Variants in JAK3 observed in about 807,000 individuals in gnomAD.
JAK3 encodes tyrosine-protein kinase JAK3.
A neutral mutation model predicts 120.8 loss-of-function variants in JAK3; 88 were observed. That is an observed-to-expected ratio of 0.73 (90% CI 0.61 to 0.87). JAK3 has a LOEUF of 0.87. Ranked by LOEUF, JAK3 falls within the 40% of genes least tolerant of loss-of-function variation. The pLI, the probability that JAK3 is intolerant of heterozygous loss-of-function variation, is 0.00. For synonymous variants in JAK3, 592 were observed against 628.6 expected, an observed-to-expected ratio of 0.94 and a Z score of 0.87; for missense variants, 1,254 against 1,501.4, an observed-to-expected ratio of 0.84 and a Z score of 2.72.
At chr19:17,836,863 C>T (rs1025989287) in intron 13 of JAK3, 6 of 563,528 alleles carry the variant, frequency 1.1e-5, no homozygotes, top group East Asian at 3.3e-5. Flanking sequence ...AGAAAGGTTA[C>T]GTGACCTGTA....
intron 9 of JAK3, 113 bp from the exon 10 acceptor site, chr19:17,839,776 T>A (rs2094233602): frequency 2.0e-6 from 2 of 978,332 alleles, no homozygotes; most frequent in African/African-American, 3.4e-5. Flanking sequence ...AGTCTGGCTC[T>A]GTCACCCAGG....
chr19:17,832,784 C>T lies in JAK3; in HGVS notation c.2490+6G>A. ...CTCCAACCCACCCTGGCCCTGCCCA[C>T]CTTACCTTGCCCAGCTGTGAGATGT... On this transcript the variant is annotated splice_donor_region_variant and intron_variant, in intron 18 of 23. Transcript: ENST00000458235. This position sits in a 1 kb window ranked among gnomAD's most constrained non-coding sequence, Gnocchi z 4.7. 1.2e-6 allele frequency: 2 copies of T among 1,614,274 alleles called. No individual in the cohort carries two copies. The highest frequency in any genetic ancestry group is 1.7e-6 in the Non-Finnish European group (2 of 1,180,054).
At chr19:17,844,133 G>A (rs2094246372) in intron 2 of JAK3, 101 bp downstream of exon 2, 2 of 1,340,818 alleles carry the variant, frequency 1.5e-6, no homozygotes, top group Non-Finnish European at 2.1e-6. Context: ...CAAAGCCCCA[G>A]CTCCGATGCT....
chr19:17,845,075 C>G (rs1321587632), intron 1 of JAK3, among the ~76,000 whole-genome samples: 1 of 152,174 alleles, frequency 6.6e-6, no homozygotes, highest in East Asian at 1.9e-4. Flanking sequence ...AAACAAAAAC[C>G]TAAGTTCCAG....
At chr19:17,837,306 C>G in intron 12 of JAK3, 93 bp from the exon 13 acceptor site, 1 of 951,794 alleles carries the variant, frequency 1.1e-6, no homozygotes, top group Non-Finnish European at 1.7e-6. Context: ...TAGGGGAACA[C>G]CTGGCCACAG....
At chr19:17,847,833 GA>G (rs1384170635) in intron 1 of JAK3, 112 bp downstream of exon 1, 2 of 376,404 alleles carry the variant, frequency 5.3e-6, no homozygotes, top group Non-Finnish European at 7.5e-6. Flanking sequence ...CCGAGGCCTG[GA>G]AGGCGAGCTA....
intron 12 of JAK3, 126 bp downstream of exon 12, chr19:17,837,806 A>C: frequency 7.2e-7 from 1 of 1,385,452 alleles, no homozygotes. Flanking sequence ...TCAGCCTCCC[A>C]AAGTGCTGGG....
Position 17,841,248 on chromosome 19 carries a change from C to A in JAK3, c.1142+141G>T. 1.3e-6 allele frequency: 1 copy of A among 790,450 alleles called. No homozygotes were observed. 49.0% of individuals were successfully genotyped at this position (790,450 alleles called of 1,614,324 possible). A position where few individuals can be genotyped will look rare whatever the true frequency, so the allele number is the denominator to read the frequency against. On this transcript the variant is annotated intron_variant, in intron 8 of 23. Coordinates refer to ENST00000458235, the MANE Select transcript of JAK3 (RefSeq NM_000215.4). This position sits in a 1 kb window ranked among gnomAD's most constrained non-coding sequence, Gnocchi z 4.1. ...AAGCAGAAGGAATACTTCAGCTTCA[C>A]TGAGCGCTGACTGTGCGGCAGGTGT...
chr19:17,825,395 G>A lies in JAK3; in HGVS notation c.*1348C>T. 4.5e-6 allele frequency: 1 copy of A among 221,894 alleles called. No homozygotes were observed. The allele number at this position is 221,894 out of a possible 1,614,324, so 13.7% of individuals were successfully genotyped here. A position where few individuals can be genotyped will look rare whatever the true frequency, so the allele number is the denominator to read the frequency against. ...CCCTTGTAGGGTGAGGACAGAAAGG[G>A]TCCCATTGGACAGGTGGGAAAACTG... On this transcript the variant is annotated 3_prime_UTR_variant, in exon 24 of 24. Coordinates refer to ENST00000458235, the MANE Select transcript of JAK3 (RefSeq NM_000215.4).
At chr19:17,840,882 A>G (rs1204916642) in intron 8 of JAK3, among the ~76,000 whole-genome samples, 2 of 152,008 alleles carry the variant, frequency 1.3e-5, no homozygotes, top group Admixed American at 6.6e-5. Flanking sequence ...CTGGAGTGCA[A>G]TCTCAGCTCA....
At chr19:17,833,595 T>A (rs1262880684) in intron 17 of JAK3, among the ~76,000 whole-genome samples, 2 of 146,876 alleles carry the variant, frequency 1.4e-5, no homozygotes, top group Non-Finnish European at 3.0e-5. Flanking sequence ...CTCATGCCTG[T>A]AATCCCAGCA....
intron 9 of JAK3, 22 bp from the exon 10 acceptor site, chr19:17,839,685 G>GAGT (rs768621164): frequency 3.3e-5 from 52 of 1,580,446 alleles, no homozygotes; most frequent in Admixed American, 3.1e-4. Context: ...AGTGGCCCCT[G>GAGT]AGTGGGACTG....
chr19:17,847,905 C>A (rs2094256157), intron 1 of JAK3, 41 bp downstream of exon 1: 1 of 940,924 alleles, frequency 1.1e-6, no homozygotes, highest in Non-Finnish European at 1.3e-6. Flanking sequence ...CCATCCTCCC[C>A]CAGTGTCTGG....
At position 17,833,542 on chromosome 19, in the gene JAK3, GAAAAAAAAA is replaced by G. The variant is rs58330868; in HGVS notation, c.2351-622_2351-614del. On this transcript the variant is annotated intron_variant, in intron 17 of 23. Coordinates refer to ENST00000458235, the MANE Select transcript of JAK3 (RefSeq NM_000215.4). Reference sequence around the variant, plus strand: ...GGGAACATAGCAAAACCCCATCACAGAAAAAAAAAAAAAAAAAAAAAAAATCCAGCCTGG... The same window carrying G: ...GGGAACATAGCAAAACCCCATCACAGAAAAAAAAAAAAAAATCCAGCCTGG... Among the ~76,000 whole-genome samples the G allele has an allele frequency of 1.9e-4, 14 of 74,656 alleles. 1 individual carries two copies. Among genetic ancestry groups the G allele is most frequent in the South Asian group, 9.0e-4 (2 of 2,214 alleles). 49.0% of individuals were successfully genotyped at this position (74,656 alleles called of 152,430 possible).
Position 17,831,261 on chromosome 19 carries a change from A to G in JAK3, c.2945T>C (p.Val982Ala), listed in dbSNP as rs1241398236. 2 of 1,612,424 alleles carry G rather than the reference A, an allele frequency of 1.2e-6. No homozygotes were observed. Among genetic ancestry groups the G allele is most frequent in the South Asian group, 1.1e-5 (1 of 91,084 alleles). Residue 982 changes from valine (V) to alanine (A), a missense_variant, in exon 21 of 24, where the codon GTG (valine) becomes GCG (alanine). By Grantham distance (64) the Val-to-Ala change is moderately conservative (BLOSUM62 0). Coordinates refer to ENST00000458235, the MANE Select transcript of JAK3 (RefSeq NM_000215.4). The surrounding 1 kb of genome is among the most constrained non-coding windows in gnomAD (Gnocchi z 5.1). ...KLLPLDKDYY[V>A]VREPGQSPIF... ...GGGGCTCTGGCCTGGCTCGCGGACC[A>G]CGTAGTAGTCTTTGTCAAGCGGCAG...
Position 17,828,225 on chromosome 19 carries a change from C to CTTT in JAK3, c.3208-1318_3208-1316dup, listed in dbSNP as rs201037261. 3.0e-4 allele frequency among the ~76,000 whole-genome samples: 41 copies of CTTT among 137,550 alleles called. 1 individual carries two copies. Among genetic ancestry groups the CTTT allele is most frequent in the South Asian group, 2.1e-3 (9 of 4,226 alleles). 90.2% of individuals were successfully genotyped at this position (137,550 alleles called of 152,430 possible). A position where few individuals can be genotyped will look rare whatever the true frequency, so the allele number is the denominator to read the frequency against. On this transcript the variant is annotated intron_variant, in intron 23 of 23. Coordinates refer to ENST00000458235, the MANE Select transcript of JAK3 (RefSeq NM_000215.4). Reference sequence around the variant, plus strand: ...GCACTTATCACTACCATAATTTTGTCTTTGTTTTGTTTTGTTTTGTTTTGT... The same window carrying CTTT: ...GCACTTATCACTACCATAATTTTGTCTTTTTTGTTTTGTTTTGTTTTGTTTTGT...
At chr19:17,844,810 A>AAAAGAAAG (rs545511218) in intron 1 of JAK3, among the ~76,000 whole-genome samples, 492 of 127,150 alleles carry the variant, frequency 3.9e-3, no homozygotes, top group African/African-American at 0.014. Context: ...AAAAAAAAAA[A>AAAAGAAAG]AAAGAAAGAA....
chr19:17,838,567 C>T (rs1364095985), intron 10 of JAK3, among the ~76,000 whole-genome samples, 177 bp from the exon 11 acceptor site: 2 of 152,224 alleles, frequency 1.3e-5, no homozygotes, highest in East Asian at 1.9e-4. Flanking sequence ...GCTGTTGAGA[C>T]GGAGTCTCAC....
Position 17,842,905 on chromosome 19 carries a change from G to C in JAK3, c.566+122C>G. 1 of 1,391,980 alleles carries C rather than the reference G, an allele frequency of 7.2e-7. No individual in the cohort carries two copies. The allele number at this position is 1,391,980 out of a possible 1,614,324, so 86.2% of individuals were successfully genotyped here. On this transcript the variant is annotated intron_variant, in intron 5 of 23. Transcript: ENST00000458235. This position sits in a 1 kb window ranked among gnomAD's most constrained non-coding sequence, Gnocchi z 6.4. ...GGGCTGGGTTCGTGGGAGGCCCTGG[G>C]TCATAGGAACACCCTGAAAGCTTGC...
Sources: gnomAD v4.1 joint callset for allele counts (sites outside exome capture counted in the v4.1 genomes callset) on GRCh38, gnomAD v4.1.1 for gene constraint, Gnocchi (gnomAD v3.1) non-coding constraint, MANE v1.5 for transcripts, NCBI Gene and HGNC (gene_info 2026-07-23, HGNC 2026-07-21) for gene names.